MTMR3: variants seen among roughly 807,000 people sequenced by gnomAD.
The protein encoded by MTMR3 is phosphatidylinositol-3,5-bisphosphate 3-phosphatase MTMR3.
A neutral mutation model predicts 132.4 loss-of-function variants in MTMR3; 32 were observed. That is an observed-to-expected ratio of 0.24 (90% CI 0.18 to 0.32). The LOEUF (loss-of-function observed/expected upper bound fraction) is 0.32. Ranked by LOEUF, MTMR3 falls within the 10% of genes least tolerant of loss-of-function variation. The pLI is 1.00. For missense variants in MTMR3, 1,216 were observed against 1,489.6 expected, an observed-to-expected ratio of 0.82 and a Z score of 3.02; for synonymous variants, 556 against 550.3, an observed-to-expected ratio of 1.01 and a Z score of -0.14.
In MTMR3 at chr22:30,020,743, A is replaced by G; in HGVS notation, c.3084A>G (p.Gln1028=). The G allele has an allele frequency of 6.2e-7, 1 of 1,614,210 alleles. No homozygotes were observed. Among genetic ancestry groups the G allele is most frequent in the Non-Finnish European group, 8.5e-7 (1 of 1,180,042 alleles). The part of the protein sequence containing the change: ...DGMSVYTDTI[Q]QRLRQIESGH... The stretch of plus-strand genomic sequence containing the variant: ...TGTCAGTGTACACAGACACGATCCA[A>G]CAGCGCCTGCGTCAGATTGAGTCAG... The change falls in exon 17 of 20, where the codon CAA becomes CAG. Residue 1028 remains glutamine, a synonymous_variant. Transcript: ENST00000401950.
At chr22:29,951,228 T>G (rs1388317295) in intron 1 of MTMR3, among the ~76,000 whole-genome samples, 1 of 152,196 alleles carries the variant, frequency 6.6e-6, no homozygotes, top group African/African-American at 2.4e-5. Flanking sequence ...ACTTTTATAT[T>G]CATTCTTAAA....
At chr22:29,996,395 A>G (rs757475462) in intron 7 of MTMR3, 2 of 152,200 alleles carry the variant, frequency 1.3e-5, no homozygotes, top group African/African-American at 4.8e-5. Context: ...AAATGGTTCT[A>G]TGAAGTAAAT....
intron 7 of MTMR3, chr22:29,996,078 T>C (rs1177170115): frequency 6.6e-6 from 1 of 152,190 alleles, no homozygotes. Context: ...GTGGGAAGAT[T>C]GTTTGAGTTT....
intron 1 of MTMR3, among the ~76,000 whole-genome samples, chr22:29,885,429 C>T (rs1209974536): frequency 6.6e-6 from 1 of 152,148 alleles, no homozygotes; most frequent in Non-Finnish European, 1.5e-5. Flanking sequence ...GTAGGGGAAA[C>T]AGATTTGTTG....
chr22:29,998,876 T>G lies in MTMR3; in HGVS notation c.557+19T>G, dbSNP rs560295884. On this transcript the variant is annotated intron_variant, in intron 8 of 19. Coordinates refer to ENST00000401950, the MANE Select transcript of MTMR3 (RefSeq NM_021090.4). ...AGTACAAGTGAGTTATATGGGTCCC[T>G]GTGGACTGTTTCACAGCCAGTGCCT... 35 of 1,568,846 alleles carry G rather than the reference T, an allele frequency of 2.2e-5. No individual in the cohort carries two copies. In the South Asian group the frequency reaches 3.8e-4, roughly 17 times the overall value.
intron 5 of MTMR3, chr22:29,979,338 A>G (rs2066693026): frequency 4.1e-6 from 1 of 246,244 alleles, no homozygotes; most frequent in Non-Finnish European, 8.1e-6. Flanking sequence ...TAAAAATACA[A>G]AAAATTAGCC....
intron 1 of MTMR3, among the ~76,000 whole-genome samples, chr22:29,890,037 G>A (rs2039041307): frequency 6.6e-6 from 1 of 151,362 alleles, no homozygotes; most frequent in African/African-American, 2.4e-5. Context: ...CTCCTGAGTA[G>A]CTGGGCGTAC....
chr22:29,994,220 T>C (rs2145913988), intron 7 of MTMR3: 1 of 866,220 alleles, frequency 1.2e-6, no homozygotes, highest in South Asian at 5.3e-5. Flanking sequence ...AGGGTTGCAT[T>C]TTGTTTCTTC....
Position 29,931,021 on chromosome 22 carries a change from A to G in MTMR3, c.-137-26015A>G, listed in dbSNP as rs180730654. Among the ~76,000 whole-genome samples the G allele has an allele frequency of 7.3e-3, 1,115 of 152,050 alleles. 12 individuals are homozygous for G. Among genetic ancestry groups the G allele is most frequent in the African/African-American group, 0.025 (1,051 of 41,464 alleles). Reference sequence around the variant, plus strand: ...GAGACGCTGTCTCAAAAGAAAAAAAAAAAAAAAAAAACTTAAAAATGACCT... The same window carrying G: ...GAGACGCTGTCTCAAAAGAAAAAAAGAAAAAAAAAAACTTAAAAATGACCT... On this transcript the variant is annotated intron_variant, in intron 1 of 19. Coordinates refer to ENST00000401950, the MANE Select transcript of MTMR3 (RefSeq NM_021090.4).
chr22:29,920,417 C>T (rs1160142638), intron 1 of MTMR3, among the ~76,000 whole-genome samples: 1 of 152,068 alleles, frequency 6.6e-6, no homozygotes. Context: ...TAAAACTAAG[C>T]CCACCAGGAA....
At chr22:29,946,021 T>TTGTGTGCG (rs2065947068) in intron 1 of MTMR3, among the ~76,000 whole-genome samples, 1 of 150,780 alleles carries the variant, frequency 6.6e-6, no homozygotes. Context: ...GTGTATATAT[T>TTGTGTGCG]TGTGTGTGTG....
At chr22:29,896,898 C>CACACACAT (rs1394851899) in intron 1 of MTMR3, among the ~76,000 whole-genome samples, 1 of 151,064 alleles carries the variant, frequency 6.6e-6, no homozygotes, top group African/African-American at 2.4e-5. Context: ...CACACACACA[C>CACACACAT]ACACATACAC....
At chr22:29,917,272 T>G (rs74987476) in intron 1 of MTMR3, among the ~76,000 whole-genome samples, 2,728 of 152,322 alleles carry the variant, frequency 0.018, 81 homozygotes, top group African/African-American at 0.062. Flanking sequence ...CGGTTTTGTA[T>G]TCTTAGTAAT....
chr22:29,998,964 TTTTA>T, intron 8 of MTMR3, 107 bp downstream of exon 8: 2 of 645,932 alleles, frequency 3.1e-6, no homozygotes, highest in Non-Finnish European at 5.1e-6. Context: ...TTTGAAATGG[TTTTA>T]TTTATTAAAT....
In MTMR3 at chr22:30,002,927, C is replaced by T; in HGVS notation, c.605C>T (p.Thr202Ile). 6.2e-7 allele frequency: 1 copy of T among 1,614,104 alleles called. No homozygotes were observed. The highest frequency in any genetic ancestry group is 8.5e-7 in the Non-Finnish European group (1 of 1,179,972). The stretch of plus-strand genomic sequence containing the variant: ...GAGCTCATAGTGCCTGCCTGGATCA[C>T]TGACAAAGAACTGGAAAGTGTATCA... ...PQELIVPAWI[T>I]DKELESVSSF... Residue 202 changes from threonine (T) to isoleucine (I), a missense_variant, in exon 9 of 20, where the codon ACT (threonine) becomes ATT (isoleucine). Around this residue, in one of 7 missense-constraint regions of MTMR3, gnomAD observed 129 missense variants for 245.7 expected, o/e 0.53. Coordinates refer to ENST00000401950, the MANE Select transcript of MTMR3 (RefSeq NM_021090.4).
intron 17 of MTMR3, 197 bp downstream of exon 17, chr22:30,021,081 C>G: frequency 1.6e-6 from 1 of 617,984 alleles, no homozygotes; most frequent in Non-Finnish European, 2.8e-6. Flanking sequence ...GCTTCGCTTA[C>G]TTTCTGCAGA....
At chr22:29,948,928 A>G (rs1005085519) in intron 1 of MTMR3, among the ~76,000 whole-genome samples, 2 of 151,758 alleles carry the variant, frequency 1.3e-5, no homozygotes, top group Non-Finnish European at 2.9e-5. Context: ...ACATCTCTAC[A>G]AAAAACCACA....
chr22:29,985,577 A>G (rs2066840708), intron 5 of MTMR3: 1 of 152,168 alleles, frequency 6.6e-6, no homozygotes, highest in Admixed American at 6.5e-5. Flanking sequence ...AAAGGAGAAG[A>G]AAAGGGAGAT....
intron 2 of MTMR3, 24 bp from the exon 3 acceptor site, chr22:29,970,951 TC>T: frequency 1.5e-6 from 1 of 680,376 alleles, no homozygotes; most frequent in South Asian, 2.3e-5. Context: ...TTTTTCTTCT[TC>T]CCCCTCTTCC....
Sources: gnomAD v4.1 joint callset for allele counts (sites outside exome capture counted in the v4.1 genomes callset) on GRCh38, gnomAD v4.1.1 for gene constraint, gnomAD v4.1.1 regional missense constraint, MANE v1.5 for transcripts, NCBI Gene and HGNC (gene_info 2026-07-23, HGNC 2026-07-21) for gene names.